IGLL5: variants seen among roughly 807,000 people sequenced by gnomAD.
IGLL5 encodes immunoglobulin lambda-like polypeptide 5.
Under a neutral mutation model 20.9 loss-of-function variants are expected in IGLL5, and 30 were observed. The observed-to-expected ratio is 1.44, with a 90% CI of 1.07 to 1.95. IGLL5 has a LOEUF of 1.95. Among genes scored for constraint, IGLL5 ranks in the 30% most tolerant of loss-of-function variants. The pLI, the probability that IGLL5 is intolerant of heterozygous loss-of-function variation, is 0.00. For synonymous variants in IGLL5, 203 were observed against 117.3 expected, an observed-to-expected ratio of 1.73 and a Z score of -4.72; for missense variants, 475 against 270.7, an observed-to-expected ratio of 1.75 and a Z score of -5.30.
At chr22:22,890,096 G>T (rs574479412) in intron 1 of IGLL5, among the ~76,000 whole-genome samples, 23 of 149,548 alleles carry the variant, frequency 1.5e-4, no homozygotes, top group African/African-American at 5.4e-4. Flanking sequence ...GTACTCATGT[G>T]CATTACTCTT....
chr22:22,888,136 T>A lies in IGLL5; in HGVS notation c.83T>A (p.Leu28Gln), dbSNP rs557662662. 3.2e-6 allele frequency: 5 copies of A among 1,549,748 alleles called. 1 individual carries two copies. In the African/African-American group the frequency reaches 4.1e-5, roughly 13 times the overall value. ...PGPRQRWPLL[L>Q]LGLAMVAHGL... ...CCCAGGCAGCGCTGGCCCCTGCTGC[T>A]GCTGGGTCTGGCCATGGTCGCCCAT... Residue 28 changes from leucine (L) to glutamine (Q), a missense_variant, in exon 1 of 3, where the codon CTG (leucine) becomes CAG (glutamine). Physicochemically the swap from Leu to Gln is moderately radical, Grantham distance 113 (BLOSUM62 -2). Coordinates refer to ENST00000526893, the MANE Select transcript of IGLL5 (RefSeq NM_001178126.2).
chr22:22,887,853 G>C lies in IGLL5; in HGVS notation c.-201G>C. ...GGGCAGTTGGTAGATGCCCCTCTGG[G>C]AGAGATCCCCAGGGGTGACAGCCAT... On this transcript the variant is annotated 5_prime_UTR_variant, in exon 1 of 3. Transcript: ENST00000526893. 1.6e-6 allele frequency: 1 copy of C among 616,310 alleles called. No homozygotes were observed. The highest frequency in any genetic ancestry group is 2.9e-6 in the Non-Finnish European group (1 of 342,478). 38.2% of individuals were successfully genotyped at this position (616,310 alleles called of 1,614,324 possible).
chr22:22,893,922 AGCAC>A, intron 2 of IGLL5, 104 bp downstream of exon 2: 1 of 832,854 alleles, frequency 1.2e-6, no homozygotes, highest in Non-Finnish European at 2.1e-6. Flanking sequence ...CCCAGCCTTA[AGCAC>A]TGACCCTTAC....
At chr22:22,894,296 C>G (rs2068012802) in intron 2 of IGLL5, among the ~76,000 whole-genome samples, 2 of 151,298 alleles carry the variant, frequency 1.3e-5, no homozygotes, top group African/African-American at 2.4e-5. Flanking sequence ...GCCACACGGC[C>G]TGGTGACACA....
rs2067643945 is a variant in IGLL5 at position 22,888,765 on chromosome 22, G to C, written c.206+506G>C. On this transcript the variant is annotated intron_variant, in intron 1 of 2. Transcript: ENST00000526893. ...AACTTGCACATAAATGCTTACTGGG[G>C]CCAGGCTCAAGGACACAGGGAGGGT... Among the ~76,000 whole-genome samples the C allele has an allele frequency of 1.3e-5, 2 of 151,418 alleles. 1 individual carries two copies. Among genetic ancestry groups the C allele is most frequent in the East Asian group, 4.1e-4 (2 of 4,928 alleles).
intron 2 of IGLL5, among the ~76,000 whole-genome samples, chr22:22,894,125 C>T (rs1601623828): frequency 6.6e-6 from 1 of 151,468 alleles, no homozygotes; most frequent in Admixed American, 6.6e-5. Flanking sequence ...GATGAGGGGC[C>T]CTGCAGTGTC....
chr22:22,889,540 C>G (rs2067730981), intron 1 of IGLL5, among the ~76,000 whole-genome samples: 1 of 151,164 alleles, frequency 6.6e-6, no homozygotes, highest in Admixed American at 6.6e-5. Context: ...GGAAAAAATC[C>G]AAATATCTAC....
At chr22:22,888,876 T>C (rs558848380) in intron 1 of IGLL5, among the ~76,000 whole-genome samples, 3 of 151,370 alleles carry the variant, frequency 2.0e-5, no homozygotes, top group East Asian at 4.1e-4. Context: ...GATCTCCCTC[T>C]GGGATGATGC....
chr22:22,893,273 C>T lies in IGLL5; in HGVS notation c.207-427C>T, dbSNP rs1245045275. ...CTTCATGCACTAAGTGGGACTGAAC[C>T]GCGTCTCCATGGGTAGAAAGCAGAG... On this transcript the variant is annotated intron_variant, in intron 1 of 2. Transcript: ENST00000526893. Among the ~76,000 whole-genome samples the T allele has an allele frequency of 6.0e-5, 9 of 151,104 alleles. No homozygotes were observed. In the East Asian group the frequency reaches 6.1e-4, roughly 10 times the overall value.
chr22:22,893,848 T>C (rs761363828), intron 2 of IGLL5, 30 bp downstream of exon 2: 6 of 1,399,620 alleles, frequency 4.3e-6, no homozygotes, highest in East Asian at 2.3e-5. Context: ...TCCCAGCCTG[T>C]CTCACCCTCT....
At chr22:22,895,031 T>G (rs1448288737) in intron 2 of IGLL5, among the ~76,000 whole-genome samples, 1 of 150,820 alleles carries the variant, frequency 6.6e-6, no homozygotes, top group African/African-American at 2.4e-5. Context: ...GGGATGGAAA[T>G]GAGGGATCCA....
At position 22,894,878 on chromosome 22, in the gene IGLL5, T is replaced by C. The variant is rs529991236; in HGVS notation, c.326-497T>C. Among the ~76,000 whole-genome samples the C allele has an allele frequency of 4.0e-5, 6 of 151,274 alleles. 1 individual carries two copies. Among genetic ancestry groups the C allele is most frequent in the East Asian group, 2.0e-4 (1 of 4,902 alleles). On this transcript the variant is annotated intron_variant, in intron 2 of 2. Coordinates refer to ENST00000526893, the MANE Select transcript of IGLL5 (RefSeq NM_001178126.2). ...GGCAGAGCCCGGTGCCTGTGAGGGA[T>C]AGGAAGCTCCAGTTCAAAGCAGGCT...
At chr22:22,889,441 A>T (rs943070216) in intron 1 of IGLL5, among the ~76,000 whole-genome samples, 1 of 151,196 alleles carries the variant, frequency 6.6e-6, no homozygotes, top group Admixed American at 6.6e-5. Context: ...AATTTATCCT[A>T]AGGGTTGGTT....
intron 1 of IGLL5, among the ~76,000 whole-genome samples, chr22:22,888,716 C>T (rs542252370): frequency 6.6e-6 from 1 of 151,392 alleles, no homozygotes; most frequent in South Asian, 2.1e-4. Context: ...TTGGTTTGGT[C>T]TCCCCCAAGG....
chr22:22,888,482 G>C (rs188255731), intron 1 of IGLL5, among the ~76,000 whole-genome samples: 3 of 151,378 alleles, frequency 2.0e-5, no homozygotes, highest in Middle Eastern at 3.7e-3. Flanking sequence ...TGATTTCTGA[G>C]TTTTCTGGCG....
Position 22,895,761 on chromosome 22 carries a change from C to T in IGLL5, c.*67C>T. 1 of 1,481,670 alleles carries T rather than the reference C, an allele frequency of 6.7e-7. No individual in the cohort carries two copies. The highest frequency in any genetic ancestry group is 9.4e-7 in the Non-Finnish European group (1 of 1,060,756). The allele number at this position is 1,481,670 out of a possible 1,614,324, so 91.8% of individuals were successfully genotyped here. On this transcript the variant is annotated 3_prime_UTR_variant, in exon 3 of 3. Coordinates refer to ENST00000526893, the MANE Select transcript of IGLL5 (RefSeq NM_001178126.2). ...GGATCCCAGGGGAGGGGTCTCTCTC[C>T]CCATCCCAAGTCATCCAGCCCTTCT... is the stretch of plus-strand genomic sequence containing the variant.
At chr22:22,894,691 T>A (rs2066683055) in intron 2 of IGLL5, among the ~76,000 whole-genome samples, 1 of 151,394 alleles carries the variant, frequency 6.6e-6, no homozygotes, top group East Asian at 2.0e-4. Flanking sequence ...TGGGGGCTGC[T>A]GAGTCTCATA....
chr22:22,894,017 T>G (rs577903429), intron 2 of IGLL5, among the ~76,000 whole-genome samples, 199 bp downstream of exon 2: 7 of 151,540 alleles, frequency 4.6e-5, no homozygotes, highest in African/African-American at 9.7e-5. Flanking sequence ...AGCAGCCGGA[T>G]GCAGCCTGGT....
intron 2 of IGLL5, 114 bp downstream of exon 2, chr22:22,893,932 CT>C (rs2067951046): frequency 3.8e-6 from 3 of 790,492 alleles, no homozygotes; most frequent in East Asian, 2.5e-5. Context: ...AGCACTGACC[CT>C]TACCTTTCTC....
Sources: gnomAD v4.1 joint callset for allele counts (sites outside exome capture counted in the v4.1 genomes callset) on GRCh38, gnomAD v4.1.1 for gene constraint, MANE v1.5 for transcripts, NCBI Gene and HGNC (gene_info 2026-07-23, HGNC 2026-07-21) for gene names.